CD209: variants seen among roughly 807,000 people sequenced by gnomAD.
CD209 encodes CD209 antigen.
CD209 carries 31 observed loss-of-function variants against 44.7 expected under a neutral mutation model. That is an observed-to-expected ratio of 0.69 (90% CI 0.52 to 0.94). The LOEUF (loss-of-function observed/expected upper bound fraction) is 0.94. Ranked by LOEUF, CD209 falls within the 40% of genes least tolerant of loss-of-function variation. The probability of loss-of-function intolerance (pLI) is 0.00; values close to 1 mark genes in which losing one functional copy is unlikely to be tolerated. For missense variants in CD209, 407 were observed against 452.4 expected (o/e 0.90, Z 0.91); for synonymous variants, 173 against 181.3 (o/e 0.95, Z 0.37).
chr19:7,742,741 G>A lies in CD209; in HGVS notation c.*298C>T. ...GCATGTATAAGATAACGCCCCAGGG[G>A]ACATAGCAGCTACACATGGCAACCC... On this transcript the variant is annotated 3_prime_UTR_variant, in exon 7 of 7. Transcript: ENST00000315599. The A allele has an allele frequency of 2.2e-6, 1 of 459,686 alleles. No homozygotes were observed. The highest frequency in any genetic ancestry group is 4.0e-6 in the Non-Finnish European group (1 of 251,846). The allele number at this position is 459,686 out of a possible 1,614,324, so 28.5% of individuals were successfully genotyped here. A position where few individuals can be genotyped will look rare whatever the true frequency, so the allele number is the denominator to read the frequency against.
rs575097014 is a variant in CD209 at position 7,747,131 on chromosome 19, T to C, written c.106+175A>G. Among the ~76,000 whole-genome samples the C allele has an allele frequency of 3.3e-5, 5 of 151,188 alleles. No individual in the cohort carries two copies. In the South Asian group the frequency reaches 1.0e-3, roughly 32 times the overall value. On this transcript the variant is annotated intron_variant, in intron 2 of 6. Transcript: ENST00000315599. ...AGGAGTCTTGGCCCCAGCCTCCACC[T>C]TCCCAGGAACCAGGAATTCAGGCCC... is the stretch of plus-strand genomic sequence containing the variant.
At position 7,741,551 on chromosome 19, in the gene CD209, C is replaced by G. The variant is rs2033614419; in HGVS notation, c.*1488G>C. 9.4e-6 allele frequency: 6 copies of G among 637,786 alleles called. No homozygotes were observed. Among genetic ancestry groups the G allele is most frequent in the Non-Finnish European group, 1.8e-5 (6 of 334,732 alleles). The allele number at this position is 637,786 out of a possible 1,614,324, so 39.5% of individuals were successfully genotyped here. A position where few individuals can be genotyped will look rare whatever the true frequency, so the allele number is the denominator to read the frequency against. Reference sequence around the variant, plus strand: ...GAGTGATTCAGTTCAAGGTCAGTTGCAACTTGGAACCTCACCTGAGGGGCA... The same window carrying G: ...GAGTGATTCAGTTCAAGGTCAGTTGGAACTTGGAACCTCACCTGAGGGGCA... On this transcript the variant is annotated 3_prime_UTR_variant, in exon 7 of 7. Transcript: ENST00000315599.
rs1380131809 is a variant in CD209 at position 7,746,088 on chromosome 19, C to T, written c.179-1G>A. 1 of 1,613,278 alleles carries T rather than the reference C, an allele frequency of 6.2e-7. No homozygotes were observed. Reference sequence around the variant, plus strand: ...CTTATGGAGCTGGGGACCTTGGACACTGGGCCAAGAAAAAAAAGGAACTGC... The same window carrying T: ...CTTATGGAGCTGGGGACCTTGGACATTGGGCCAAGAAAAAAAAGGAACTGC... On this transcript the variant is annotated splice_acceptor_variant, in intron 3 of 6. Transcript: ENST00000315599. LOFTEE classifies it high-confidence loss of function.
chr19:7,740,266 G>A lies in CD209; in HGVS notation c.*2773C>T, dbSNP rs11465423. Reference sequence around the variant, plus strand: ...CGGTCTGAGCACTTAGGTTCCACGTGGATTTGCACGCTTCGTTCATCTGGA... The same window carrying A: ...CGGTCTGAGCACTTAGGTTCCACGTAGATTTGCACGCTTCGTTCATCTGGA... On this transcript the variant is annotated 3_prime_UTR_variant, in exon 7 of 7. Transcript: ENST00000315599. The A allele has an allele frequency of 0.012, 5,111 of 425,042 alleles. 232 individuals are homozygous for A. The highest frequency in any genetic ancestry group is 0.095 in the African/African-American group (4,663 of 49,036). The allele number at this position is 425,042 out of a possible 1,614,324, so 26.3% of individuals were successfully genotyped here. A position where few individuals can be genotyped will look rare whatever the true frequency, so the allele number is the denominator to read the frequency against.
rs750143965 is a variant in CD209 at position 7,744,976 on chromosome 19, C to T, written c.865G>A (p.Ala289Thr). ...DSITACKEVG[A>T]QLVVIKSAEE... is the part of the protein sequence containing the mutation. ...GCACTTTTGATTACGACGAGCTGGG[C>T]CCCCACTTCTTTGCAGGCGGTGATG... Residue 289 changes from alanine to threonine, a missense_variant, in exon 5 of 7, where the codon GCC becomes ACC. Physicochemically the swap from Ala to Thr is moderately conservative, Grantham distance 58. Transcript: ENST00000315599. 4.3e-6 allele frequency: 7 copies of T among 1,614,084 alleles called. No individual in the cohort carries two copies. The Admixed American group carries it at 5.0e-5, about 12-fold the overall frequency.
rs940235732 is a variant in CD209, at chr19:7,742,645, T to C, written c.*394A>G. 2.9e-5 allele frequency: 6 copies of C among 206,892 alleles called. No individual in the cohort carries two copies. Among genetic ancestry groups the C allele is most frequent in the Non-Finnish European group, 5.0e-5 (5 of 100,920 alleles). The allele number at this position is 206,892 out of a possible 1,614,324, so 12.8% of individuals were successfully genotyped here. A position where few individuals can be genotyped will look rare whatever the true frequency, so the allele number is the denominator to read the frequency against. The stretch of plus-strand genomic sequence containing the variant: ...TGCTTCCAGCCTGCAAAATGAGCTC[T>C]TGCAACCAGTAAGTCCCCGATCAAA... On this transcript the variant is annotated 3_prime_UTR_variant, in exon 7 of 7. Transcript: ENST00000315599.
intron 3 of CD209, 62 bp downstream of exon 3, chr19:7,746,398 G>A: frequency 6.4e-7 from 1 of 1,556,086 alleles, no homozygotes; most frequent in Non-Finnish European, 8.9e-7. Flanking sequence ...GGCAGCCCCA[G>A]GCTGTGTCCA....
chr19:7,744,995 G>T lies in CD209; in HGVS notation c.846C>A (p.Thr282=). 6.2e-7 allele frequency: 1 copy of T among 1,614,190 alleles called. No homozygotes were observed. The highest frequency in any genetic ancestry group is 8.5e-7 in the Non-Finnish European group (1 of 1,180,032). Reference sequence around the variant, plus strand: ...GCTGGGCCCCCACTTCTTTGCAGGCGGTGATGGAGTCGTGCCAGTTCCGCT... The same window carrying T: ...GCTGGGCCCCCACTTCTTTGCAGGCTGTGATGGAGTCGTGCCAGTTCCGCT... ...NSQRNWHDSI[T]ACKEVGAQLV... is the part of the protein sequence containing the mutation. The change falls in exon 5 of 7, where the codon ACC becomes ACA. Residue 282 remains threonine (T), a synonymous_variant. Coordinates refer to ENST00000315599, the MANE Select transcript of CD209 (RefSeq NM_021155.4).
intron 4 of CD209, 36 bp downstream of exon 4, chr19:7,745,482 T>C (rs768784100): frequency 1.2e-6 from 2 of 1,612,122 alleles, no homozygotes; most frequent in South Asian, 2.2e-5. Flanking sequence ...ACAACGACCA[T>C]CTCAGGCCCA....
At chr19:7,746,669 C>T (rs1189633297) in intron 2 of CD209, 138 bp from the exon 3 acceptor site, 2 of 797,994 alleles carry the variant, frequency 2.5e-6, no homozygotes, top group Non-Finnish European at 4.1e-6. Context: ...CCTGGGAATC[C>T]AGGCCCTAGC....
Position 7,740,832 on chromosome 19 carries a change from A to C in CD209, c.*2207T>G, listed in dbSNP as rs11465414. On this transcript the variant is annotated 3_prime_UTR_variant, in exon 7 of 7. Coordinates refer to ENST00000315599, the MANE Select transcript of CD209 (RefSeq NM_021155.4). Reference sequence around the variant, plus strand: ...GGAACAGAAACGACAGAAGAAACAAAAACCGGAAGCTGTCCAGAAGATGCT... The same window carrying C: ...GGAACAGAAACGACAGAAGAAACAACAACCGGAAGCTGTCCAGAAGATGCT... The C allele has an allele frequency of 1.6e-3, 1,180 of 756,848 alleles. 11 individuals are homozygous for C. The African/African-American group carries it at 0.019, about 12-fold the overall frequency. 46.9% of individuals were successfully genotyped at this position (756,848 alleles called of 1,614,324 possible).
chr19:7,743,448 A>G (rs977091667), intron 6 of CD209, among the ~76,000 whole-genome samples: 3 of 151,356 alleles, frequency 2.0e-5, no homozygotes, highest in Non-Finnish European at 4.4e-5. Context: ...GACTCCACCT[A>G]TTGAGTGTGT....
At position 7,741,298 on chromosome 19, in the gene CD209, C is replaced by T. The variant is rs1370332968; in HGVS notation, c.*1741G>A. On this transcript the variant is annotated 3_prime_UTR_variant, in exon 7 of 7. Coordinates refer to ENST00000315599, the MANE Select transcript of CD209 (RefSeq NM_021155.4). ...CATCCTGGTCAACATGTTGAAACCC[C>T]GTCTCTACCAAAAATACAAGAATTA... 7.5e-6 allele frequency: 3 copies of T among 398,870 alleles called. No individual in the cohort carries two copies. The highest frequency in any genetic ancestry group is 5.4e-5 in the East Asian group (1 of 18,588). 24.7% of individuals were successfully genotyped at this position (398,870 alleles called of 1,614,324 possible).
Position 7,742,018 on chromosome 19 carries a change from G to A in CD209, c.*1021C>T, listed in dbSNP as rs568910734. 2.0e-4 allele frequency: 63 copies of A among 311,844 alleles called. No individual in the cohort carries two copies. The highest frequency in any genetic ancestry group is 3.0e-4 in the Non-Finnish European group (46 of 152,396). The allele number at this position is 311,844 out of a possible 1,614,324, so 19.3% of individuals were successfully genotyped here. The stretch of plus-strand genomic sequence containing the variant: ...GAAATAGTGACCGCAGCGGGGGCCG[G>A]TGCAGCCGCAGTGAGAACGGCCGGA... On this transcript the variant is annotated 3_prime_UTR_variant, in exon 7 of 7. Coordinates refer to ENST00000315599, the MANE Select transcript of CD209 (RefSeq NM_021155.4).
In CD209 at chr19:7,741,707, A is replaced by G. The variant is rs1026905857; in HGVS notation, c.*1332T>C. ...CCCAGTGGCTCGGTGGAAAATGATG[A>G]TTTGTGGTTTATTTGAAATACAACA... On this transcript the variant is annotated 3_prime_UTR_variant, in exon 7 of 7. Transcript: ENST00000315599. 2.9e-5 allele frequency: 20 copies of G among 688,760 alleles called. No individual in the cohort carries two copies. In the African/African-American group the frequency reaches 3.1e-4, roughly 11 times the overall value. The allele number at this position is 688,760 out of a possible 1,614,324, so 42.7% of individuals were successfully genotyped here.
Position 7,744,089 on chromosome 19 carries a change from G to A in CD209, c.1013+18C>T, listed in dbSNP as rs201628081. 20 of 1,572,230 alleles carry A rather than the reference G, an allele frequency of 1.3e-5. No individual in the cohort carries two copies. The East Asian group carries it at 4.0e-4, about 32-fold the overall frequency. On this transcript the variant is annotated intron_variant, in intron 6 of 6. Coordinates refer to ENST00000315599, the MANE Select transcript of CD209 (RefSeq NM_021155.4). ...CAATTCCAGCCCCAGTGGATAGGGT[G>A]CCCCTTCTGAGATCTACCTGGGCAA...
intron 5 of CD209, 116 bp downstream of exon 5, chr19:7,744,825 C>T (rs2033745022): frequency 2.8e-6 from 4 of 1,404,636 alleles, no homozygotes; most frequent in Non-Finnish European, 3.9e-6. Context: ...TCCTTCTCCT[C>T]CCTTCTTTCC....
Position 7,740,329 on chromosome 19 carries a change from C to A in CD209, c.*2710G>T. On this transcript the variant is annotated 3_prime_UTR_variant, in exon 7 of 7. Coordinates refer to ENST00000315599, the MANE Select transcript of CD209 (RefSeq NM_021155.4). ...ATGTAACTTGCAACCTGGGGGTCCA[C>A]GACAACTGAAAAACAACTCGCCATT... The A allele has an allele frequency of 2.0e-6, 1 of 509,714 alleles. No homozygotes were observed. The highest frequency in any genetic ancestry group is 3.6e-6 in the Non-Finnish European group (1 of 276,140). 31.6% of individuals were successfully genotyped at this position (509,714 alleles called of 1,614,324 possible).
Position 7,740,374 on chromosome 19 carries a change from C to T in CD209, c.*2665G>A, listed in dbSNP as rs2033572419. 2 of 555,266 alleles carry T rather than the reference C, an allele frequency of 3.6e-6. No homozygotes were observed. Among genetic ancestry groups the T allele is most frequent in the South Asian group, 2.1e-5 (1 of 47,646 alleles). 34.4% of individuals were successfully genotyped at this position (555,266 alleles called of 1,614,324 possible). A position where few individuals can be genotyped will look rare whatever the true frequency, so the allele number is the denominator to read the frequency against. Reference sequence around the variant, plus strand: ...GCCATTTTATTACACAAAGTTGAACCAGATTGGGCTGAATCTGCGGTTACA... The same window carrying T: ...GCCATTTTATTACACAAAGTTGAACTAGATTGGGCTGAATCTGCGGTTACA... On this transcript the variant is annotated 3_prime_UTR_variant, in exon 7 of 7. Coordinates refer to ENST00000315599, the MANE Select transcript of CD209 (RefSeq NM_021155.4).
Sources: allele counts gnomAD v4.1 joint callset (sites outside exome capture counted in the v4.1 genomes callset), GRCh38; gene constraint gnomAD v4.1.1; transcripts MANE v1.5; gene names NCBI Gene and HGNC (gene_info 2026-07-23, HGNC 2026-07-21).